FSTL4: variants seen among roughly 807,000 people sequenced by gnomAD.
FSTL4 encodes follistatin like 4, also known as follistatin-related protein 4.
FSTL4 carries 28 observed loss-of-function variants against 78.2 expected under a neutral mutation model. That is an observed-to-expected ratio of 0.36 (90% CI 0.27 to 0.49). FSTL4 has a LOEUF of 0.49. FSTL4 is among the 20% of genes least tolerant of loss of function. The pLI is 0.98. For missense variants in FSTL4, 922 were observed against 1,084.9 expected (o/e 0.85, Z 2.11); for synonymous variants, 422 against 440.5 (o/e 0.96, Z 0.53).
chr5:133,661,341 G>A, the FSTL4 span, among the ~76,000 whole-genome samples: 4 of 152,272 alleles, frequency 2.6e-5, no homozygotes, highest in East Asian at 3.9e-4. Flanking sequence ...GAAAACCACC[G>A]AAGTGCTCTG....
At chr5:133,615,912 T>C (rs1191268372), upstream of FSTL4, among the ~76,000 whole-genome samples, 1 of 151,986 alleles carries the variant, frequency 6.6e-6, no homozygotes, top group East Asian at 1.9e-4. Context: ...GAAGATGCAG[T>C]GATGGAAAGG....
At chr5:133,358,370 T>C (rs1007292947) in intron 4 of FSTL4, among the ~76,000 whole-genome samples, 1 of 152,156 alleles carries the variant, frequency 6.6e-6, no homozygotes, top group South Asian at 2.1e-4. Flanking sequence ...AGCATCAACC[T>C]GGGAAGGCTG....
chr5:133,306,306 G>A (rs1199197270), intron 6 of FSTL4, among the ~76,000 whole-genome samples: 3 of 152,250 alleles, frequency 2.0e-5, no homozygotes, highest in Admixed American at 1.3e-4. Context: ...AGCGGGCTAA[G>A]CGAGAGCCCT....
chr5:133,555,015 T>G (rs1273935417), intron 3 of FSTL4, among the ~76,000 whole-genome samples: 1 of 152,216 alleles, frequency 6.6e-6, no homozygotes, highest in Admixed American at 6.5e-5. Flanking sequence ...GTTATTCCAA[T>G]GTAGCACCTG....
At chr5:133,671,227 C>T in the FSTL4 span, among the ~76,000 whole-genome samples, 1 of 152,118 alleles carries the variant, frequency 6.6e-6, no homozygotes, top group Admixed American at 6.5e-5. Flanking sequence ...GACAGCCCCA[C>T]CAAGACCAGA....
chr5:133,688,265 T>C, the FSTL4 span, among the ~76,000 whole-genome samples: 1 of 151,972 alleles, frequency 6.6e-6, no homozygotes, highest in African/African-American at 2.4e-5. Context: ...CAAAAAAAAT[T>C]AGCCAGGCGT....
chr5:133,207,197 G>T (rs1002302356), intron 14 of FSTL4, among the ~76,000 whole-genome samples: 5 of 152,008 alleles, frequency 3.3e-5, no homozygotes, highest in Admixed American at 3.3e-4. Context: ...CTGTCATCTT[G>T]TCTCTTCGTA....
intron 3 of FSTL4, among the ~76,000 whole-genome samples, chr5:133,411,771 G>A (rs1283261013): frequency 1.3e-5 from 2 of 152,040 alleles, no homozygotes; most frequent in East Asian, 1.9e-4. Flanking sequence ...AGCTAACAAC[G>A]ATCTCTTTTT....
the FSTL4 span, among the ~76,000 whole-genome samples, chr5:133,663,586 C>T: frequency 6.6e-6 from 1 of 152,194 alleles, no homozygotes; most frequent in African/African-American, 2.4e-5. Context: ...AAGGGGCGTT[C>T]AATTGCTGCA....
chr5:133,688,693 T>G, the FSTL4 span, among the ~76,000 whole-genome samples: 1 of 152,350 alleles, frequency 6.6e-6, no homozygotes, highest in Non-Finnish European at 1.5e-5. Context: ...CGCTCAGGAC[T>G]CATTTTTTTC....
In FSTL4 at chr5:133,296,737, C is replaced by T. The variant is rs576332088; in HGVS notation, c.727+15917G>A. Among the ~76,000 whole-genome samples the T allele has an allele frequency of 6.2e-4, 95 of 152,332 alleles. 1 individual carries two copies. In the South Asian group the frequency reaches 9.7e-3, roughly 16 times the overall value. On this transcript the variant is annotated intron_variant, in intron 6 of 15. Coordinates refer to ENST00000265342, the MANE Select transcript of FSTL4 (RefSeq NM_015082.2). Reference sequence around the variant, plus strand: ...TTGCTGTTCTCAAAAGTACTACCCACGTTGTAATCTACGCATCCATTGTTG... The same window carrying T: ...TTGCTGTTCTCAAAAGTACTACCCATGTTGTAATCTACGCATCCATTGTTG...
At chr5:133,213,383 G>A (rs1032066088) in intron 13 of FSTL4, among the ~76,000 whole-genome samples, 2 of 151,860 alleles carry the variant, frequency 1.3e-5, no homozygotes, top group African/African-American at 4.8e-5. Context: ...AAGCAAAGTT[G>A]GTGTTAGAAC....
At chr5:133,297,754 G>A (rs1753434363) in intron 6 of FSTL4, among the ~76,000 whole-genome samples, 1 of 152,178 alleles carries the variant, frequency 6.6e-6, no homozygotes, top group Non-Finnish European at 1.5e-5. Flanking sequence ...TTGCCAAATT[G>A]GGTTTAGGAC....
the FSTL4 span, among the ~76,000 whole-genome samples, chr5:133,835,025 G>A: frequency 7.2e-5 from 11 of 152,134 alleles, no homozygotes; most frequent in African/African-American, 9.7e-5. Flanking sequence ...AAAAATAAGT[G>A]AATTAAGAAA....
chr5:133,474,310 G>C (rs908454497), intron 3 of FSTL4, among the ~76,000 whole-genome samples: 1 of 145,622 alleles, frequency 6.9e-6, no homozygotes, highest in South Asian at 2.2e-4. Context: ...ATGAACAAAC[G>C]GGAGACAGGG....
rs577141010 is a variant in FSTL4, at chr5:133,555,575, C to T, written c.160+11611G>A. ...GAGAGCAAAAGGCACACCGGTTACA[C>T]TATTTGAATGTAAGGTATTATTTTA... On this transcript the variant is annotated intron_variant, in intron 3 of 15. Transcript: ENST00000265342. Among the ~76,000 whole-genome samples the T allele has an allele frequency of 3.3e-5, 5 of 152,160 alleles. No individual in the cohort carries two copies. In the South Asian group the frequency reaches 1.0e-3, roughly 32 times the overall value.
the FSTL4 span, among the ~76,000 whole-genome samples, chr5:133,776,777 C>T: frequency 6.6e-6 from 1 of 152,176 alleles, no homozygotes; most frequent in Non-Finnish European, 1.5e-5. Flanking sequence ...TAGAGGGAAA[C>T]AGAGTTAGCA....
At position 133,197,042 on chromosome 5, in the gene FSTL4, G is replaced by C. The variant is rs1248591730; in HGVS notation, c.*2053C>G. On this transcript the variant is annotated 3_prime_UTR_variant, in exon 16 of 16. Coordinates refer to ENST00000265342, the MANE Select transcript of FSTL4 (RefSeq NM_015082.2). The stretch of plus-strand genomic sequence containing the variant: ...TGCAGAAGTTGACTCTGTCACTCCT[G>C]ATTATTTTAAAAGGCCAGTTTGGGT... 2.0e-5 allele frequency: 3 copies of C among 152,158 alleles called. No homozygotes were observed. The highest frequency in any genetic ancestry group is 7.2e-5 in the African/African-American group (3 of 41,436). 9.4% of individuals were successfully genotyped at this position (152,158 alleles called of 1,614,324 possible).
At chr5:133,689,666 AC>A in the FSTL4 span, among the ~76,000 whole-genome samples, 2 of 152,016 alleles carry the variant, frequency 1.3e-5, no homozygotes. Flanking sequence ...TGTCCTTTTG[AC>A]CCTGCCCTAC....
Sources: gnomAD v4.1 joint callset for allele counts (sites outside exome capture counted in the v4.1 genomes callset) on GRCh38, gnomAD v4.1.1 for gene constraint, MANE v1.5 for transcripts, NCBI Gene and HGNC (gene_info 2026-07-23, HGNC 2026-07-21) for gene names.